The following RALGPS1 variants were observed in gnomAD, a reference collection of about 807,000 sequenced individuals.
The protein encoded by RALGPS1 is ras-specific guanine nucleotide-releasing factor RalGPS1.
A neutral mutation model predicts 78.8 loss-of-function variants in RALGPS1; 19 were observed. That is an observed-to-expected ratio of 0.24 (90% confidence interval 0.17 to 0.35). The LOEUF (loss-of-function observed/expected upper bound fraction) is 0.35. RALGPS1 is among the 10% of genes least tolerant of loss of function. RALGPS1 has a pLI of 1.00. For missense variants in RALGPS1, 454 were observed against 688.3 expected (o/e 0.66, Z 3.81); for synonymous variants, 228 against 256.3 (o/e 0.89, Z 1.06).
chr9:126,954,688 G>C (rs1215927261), intron 1 of RALGPS1, among the ~76,000 whole-genome samples: 1 of 152,204 alleles, frequency 6.6e-6, no homozygotes, highest in African/African-American at 2.4e-5. Flanking sequence ...TGTAATCCCA[G>C]CTATTCGAGG....
At chr9:126,994,218 A>G (rs982517335) in intron 4 of RALGPS1, among the ~76,000 whole-genome samples, 1 of 152,228 alleles carries the variant, frequency 6.6e-6, no homozygotes, top group Non-Finnish European at 1.5e-5. Context: ...GCTTCAGATG[A>G]TCAAACTACC....
At chr9:127,076,988 G>A (rs904319512) in intron 8 of RALGPS1, among the ~76,000 whole-genome samples, 13 of 152,226 alleles carry the variant, frequency 8.5e-5, no homozygotes, top group African/African-American at 3.1e-4. Context: ...TGGCCGGAGA[G>A]TAGTGAATGA....
intron 1 of RALGPS1, among the ~76,000 whole-genome samples, chr9:126,915,224 C>T (rs1428993277): frequency 7.8e-6 from 1 of 128,874 alleles, no homozygotes; most frequent in Non-Finnish European, 1.6e-5. Context: ...GCCAGGGGCG[C>T]GCTGGTCCCC....
At chr9:127,214,644 C>T (rs981280166) in intron 17 of RALGPS1, 107 bp from the exon 18 acceptor site, 32 of 1,486,676 alleles carry the variant, frequency 2.2e-5, no homozygotes, top group East Asian at 2.5e-5. Flanking sequence ...CACCTGGGGC[C>T]GACCTTCCCA....
At chr9:127,088,606 A>G (rs2136311901) in intron 8 of RALGPS1, 1 of 362,376 alleles carries the variant, frequency 2.8e-6, no homozygotes, top group Non-Finnish European at 5.1e-6. Context: ...TACGTGCACA[A>G]GGGAGGCTCA....
At position 127,110,167 on chromosome 9, in the gene RALGPS1, T is replaced by C. The variant is rs370611760; in HGVS notation, c.610+40811T>C. 5.9e-5 allele frequency among the ~76,000 whole-genome samples: 9 copies of C among 152,302 alleles called. No individual in the cohort carries two copies. In the East Asian group the frequency reaches 9.6e-4, roughly 16 times the overall value. On this transcript the variant is annotated intron_variant, in intron 8 of 18. Coordinates refer to ENST00000259351, the MANE Select transcript of RALGPS1 (RefSeq NM_014636.3). ...AGAAAGTTCCTCTCTTCCTGGTCTC[T>C]CTTGAGCCCACCCTCATCAGGCTTT...
At chr9:127,058,075 C>T (rs567870656) in intron 7 of RALGPS1, among the ~76,000 whole-genome samples, 6 of 152,218 alleles carry the variant, frequency 3.9e-5, no homozygotes, top group South Asian at 4.1e-4. Flanking sequence ...AAGAACCAGT[C>T]GTGCCAAGAT....
intron 7 of RALGPS1, among the ~76,000 whole-genome samples, chr9:127,054,690 C>T (rs1012028950): frequency 6.6e-5 from 10 of 152,114 alleles, no homozygotes; most frequent in East Asian, 1.9e-4. Context: ...TGAAAATAAA[C>T]CTCCAGGCCA....
rs78757730 is a variant in RALGPS1 at position 127,091,445 on chromosome 9, A to G, written c.610+22089A>G. ...ACCTCTTTATGTCTCGCCCCATCCC[A>G]TTTTTTTTTTCTTAATTTGTAAATG... On this transcript the variant is annotated intron_variant, in intron 8 of 18. Transcript: ENST00000259351. The surrounding 1 kb of genome is among the most constrained non-coding windows in gnomAD (Gnocchi z 4.3). Among the ~76,000 whole-genome samples, 2 of 148,050 alleles carry G rather than the reference A, an allele frequency of 1.4e-5. No homozygotes were observed. Among genetic ancestry groups the G allele is most frequent in the African/African-American group, 5.0e-5 (2 of 40,354 alleles).
chr9:127,120,517 G>C (rs192175066), intron 8 of RALGPS1, among the ~76,000 whole-genome samples: 1 of 152,344 alleles, frequency 6.6e-6, no homozygotes, highest in East Asian at 1.9e-4. Context: ...GATATGTCCA[G>C]AACAGGGAAA....
chr9:127,119,210 C>T (rs1330500094), intron 8 of RALGPS1, among the ~76,000 whole-genome samples: 2 of 152,188 alleles, frequency 1.3e-5, no homozygotes, highest in African/African-American at 2.4e-5. Flanking sequence ...ACCCTCATAA[C>T]TGTGCTGAGG....
chr9:126,948,261 A>G (rs2037471075), intron 1 of RALGPS1, among the ~76,000 whole-genome samples: 1 of 152,184 alleles, frequency 6.6e-6, no homozygotes, highest in African/African-American at 2.4e-5. Flanking sequence ...CATGCCTGTA[A>G]TCCCAACACT....
At chr9:127,177,030 G>C (rs1302444219) in intron 11 of RALGPS1, among the ~76,000 whole-genome samples, 1 of 152,156 alleles carries the variant, frequency 6.6e-6, no homozygotes, top group African/African-American at 2.4e-5. Context: ...TTCAGCTCTT[G>C]GCTTCTTTAT....
chr9:126,928,338 C>T (rs923926688), intron 1 of RALGPS1, among the ~76,000 whole-genome samples: 5 of 152,046 alleles, frequency 3.3e-5, no homozygotes, highest in South Asian at 2.1e-4. Context: ...GACTGACCAT[C>T]GTGGTGTGAT....
intron 1 of RALGPS1, among the ~76,000 whole-genome samples, chr9:126,930,159 A>G (rs1038877672): frequency 2.7e-5 from 4 of 147,994 alleles, no homozygotes; most frequent in Non-Finnish European, 6.0e-5. Context: ...ATGTTTGTTT[A>G]TTTATTTTAT....
chr9:127,147,304 T>C (rs2058149077), intron 8 of RALGPS1, among the ~76,000 whole-genome samples: 1 of 152,216 alleles, frequency 6.6e-6, no homozygotes, highest in Admixed American at 6.5e-5. Context: ...AATTTGTGAA[T>C]ATCATCACCC....
At chr9:127,083,250 C>G (rs570007841) in intron 8 of RALGPS1, among the ~76,000 whole-genome samples, 27 of 152,374 alleles carry the variant, frequency 1.8e-4, no homozygotes, top group Admixed American at 5.9e-4. Context: ...CCACCTAGCT[C>G]TGCTCCACGG....
intron 8 of RALGPS1, among the ~76,000 whole-genome samples, chr9:127,119,760 A>G (rs1013055056): frequency 2.0e-5 from 3 of 152,142 alleles, no homozygotes; most frequent in Non-Finnish European, 2.9e-5. Context: ...TGCGTTACAC[A>G]TTTTTGTCTG....
At position 127,156,011 on chromosome 9, in the gene RALGPS1, T is replaced by C. The variant is rs145707523; in HGVS notation, c.611-10058T>C. 4.0e-4 allele frequency among the ~76,000 whole-genome samples: 61 copies of C among 152,298 alleles called. 1 individual carries two copies. The East Asian group carries it at 0.012, about 29-fold the overall frequency. On this transcript the variant is annotated intron_variant, in intron 8 of 18. Transcript: ENST00000259351. ...CTGCAGTTTCATACCCAAAGATGGC[T>C]ATCGATAACAGATTGAGCAGTGTAT...
Sources: allele counts gnomAD v4.1 joint callset (sites outside exome capture counted in the v4.1 genomes callset), GRCh38; gene constraint gnomAD v4.1.1; non-coding constraint Gnocchi (gnomAD v3.1); transcripts MANE v1.5; gene names NCBI Gene and HGNC (gene_info 2026-07-23, HGNC 2026-07-21).